Variants in WDR77 observed in about 807,000 individuals in gnomAD.
WDR77 encodes the protein WD repeat domain 77, also known as methylosome protein WDR77.
In WDR77, 31 loss-of-function variants were observed where a neutral mutation model predicts 44.0. That is an observed-to-expected ratio of 0.70 (90% confidence interval 0.53 to 0.95). The LOEUF (loss-of-function observed/expected upper bound fraction) is 0.95, where lower values mean the gene tolerates loss of function less well. Ranked by LOEUF, WDR77 falls within the 40% of genes least tolerant of loss-of-function variation. The pLI, the probability that WDR77 is intolerant of heterozygous loss-of-function variation, is 0.00. For synonymous variants in WDR77, 186 were observed against 165.7 expected, an observed-to-expected ratio of 1.12 and a Z score of -0.94; for missense variants, 390 against 423.9, an observed-to-expected ratio of 0.92 and a Z score of 0.70.
chr1:111,443,071 G>C (rs1241615973), intron 7 of WDR77, among the ~76,000 whole-genome samples: 1 of 152,158 alleles, frequency 6.6e-6, no homozygotes, highest in Non-Finnish European at 1.5e-5. Context: ...CTGACTTATA[G>C]CCATGCCCAG....
At chr1:111,448,508 C>G (rs139244945) in intron 2 of WDR77, 111 bp downstream of exon 2, 2 of 1,323,202 alleles carry the variant, frequency 1.5e-6, no homozygotes, top group Non-Finnish European at 2.1e-6. Flanking sequence ...TCAGGCTCCT[C>G]CAAGCACTGA....
At chr1:111,447,997 T>C (rs1207054033) in intron 2 of WDR77, among the ~76,000 whole-genome samples, 1 of 152,242 alleles carries the variant, frequency 6.6e-6, no homozygotes, top group Non-Finnish European at 1.5e-5. Flanking sequence ...AATAAATGTC[T>C]TGCAGAGTCT....
intron 9 of WDR77, 135 bp from the exon 10 acceptor site, chr1:111,441,524 G>A (rs757228421): frequency 2.3e-6 from 3 of 1,323,750 alleles, no homozygotes; most frequent in African/African-American, 3.0e-5. Context: ...TGGCCTCATC[G>A]CCAGGATAGC....
chr1:111,448,843 A>C (rs1044989368), intron 1 of WDR77, 39 bp from the exon 2 acceptor site: 2 of 1,552,890 alleles, frequency 1.3e-6, no homozygotes, highest in Non-Finnish European at 8.7e-7. Context: ...GAAGGGTAGA[A>C]GGGTTCGCCT....
intron 6 of WDR77, 143 bp downstream of exon 6, chr1:111,443,724 C>T: frequency 6.7e-7 from 1 of 1,490,422 alleles, no homozygotes; most frequent in South Asian, 1.4e-5. Flanking sequence ...AGCAGAGCCT[C>T]ACTGGAAAAG....
intron 4 of WDR77, among the ~76,000 whole-genome samples, chr1:111,446,470 T>C (rs1475756634): frequency 1.3e-5 from 2 of 151,986 alleles, no homozygotes; most frequent in East Asian, 1.9e-4. Flanking sequence ...ATGTCAAGGA[T>C]CTAGTAAGCT....
rs1296942272 is a variant in WDR77, at chr1:111,449,206, A to G, written c.-37T>C. 1 of 1,541,414 alleles carries G rather than the reference A, an allele frequency of 6.5e-7. No individual in the cohort carries two copies. Among genetic ancestry groups the G allele is most frequent in the Non-Finnish European group, 8.7e-7 (1 of 1,149,348 alleles). ...CAACTCCAACCTAGACTCAAACTGG[A>G]CGCCGGCCGGAGACTCCGCTCCGGC... On this transcript the variant is annotated 5_prime_UTR_variant, in exon 1 of 10. Transcript: ENST00000235090.
In WDR77 at chr1:111,448,692, T is replaced by G; in HGVS notation, c.228A>C (p.Gly76=). The G allele has an allele frequency of 6.2e-7, 1 of 1,614,174 alleles. No homozygotes were observed. The highest frequency in any genetic ancestry group is 8.5e-7 in the Non-Finnish European group (1 of 1,180,018). Residue 76 remains glycine, a synonymous_variant, in exon 2 of 10, where the codon GGA becomes GGC. Coordinates refer to ENST00000235090, the MANE Select transcript of WDR77 (RefSeq NM_024102.4). ...AAPNEGFCSA[G]VQTEAGVADL... is the part of the protein sequence containing the mutation. ...CAGCCACTCCAGCCTCCGTTTGGAC[T>G]CCGGCGGAGCAGAAGCCTTCGTTGG...
chr1:111,448,955 G>A, intron 1 of WDR77, 100 bp downstream of exon 1: 1 of 1,279,172 alleles, frequency 7.8e-7, no homozygotes, highest in Non-Finnish European at 1.1e-6. Context: ...CCAGGGTCAG[G>A]ATAACATGCA....
At chr1:111,442,225 GCTA>G (rs1177360070) in intron 8 of WDR77, 132 bp from the exon 9 acceptor site, 4 of 781,222 alleles carry the variant, frequency 5.1e-6, no homozygotes, top group Non-Finnish European at 8.6e-6. Context: ...GGCTAATCTG[GCTA>G]CTACAAGTCC....
chr1:111,445,847 C>CA (rs1653003249), intron 4 of WDR77, among the ~76,000 whole-genome samples: 1 of 152,122 alleles, frequency 6.6e-6, no homozygotes, highest in African/African-American at 2.4e-5. Context: ...CGACTCACTG[C>CA]AACCTCCGCC....
At chr1:111,441,960 G>A in intron 9 of WDR77, 65 bp downstream of exon 9, 1 of 1,461,318 alleles carries the variant, frequency 6.8e-7, no homozygotes, top group Non-Finnish European at 9.6e-7. Context: ...TTCTGAAGAG[G>A]AAAATGACTC....
Position 111,443,930 on chromosome 1 carries a change from A to G in WDR77, c.565-9T>C. On this transcript the variant is annotated splice_polypyrimidine_tract_variant and intron_variant, in intron 5 of 9. Coordinates refer to ENST00000235090, the MANE Select transcript of WDR77 (RefSeq NM_024102.4). ...AGTAAAATTCTATTGTCCTAGAGGA[A>G]GGTGGAACAGAAAAAGGATTTCATA... 1 of 1,614,222 alleles carries G rather than the reference A, an allele frequency of 6.2e-7. No individual in the cohort carries two copies. Among genetic ancestry groups the G allele is most frequent in the South Asian group, 1.1e-5 (1 of 91,086 alleles).
intron 2 of WDR77, among the ~76,000 whole-genome samples, chr1:111,447,999 G>T (rs1483142032): frequency 6.6e-6 from 1 of 152,184 alleles, no homozygotes; most frequent in Non-Finnish European, 1.5e-5. Context: ...TAAATGTCTT[G>T]CAGAGTCTTT....
At position 111,443,850 on chromosome 1, in the gene WDR77, A is replaced by C; in HGVS notation, c.619+17T>G. 6.2e-7 allele frequency: 1 copy of C among 1,614,028 alleles called. No homozygotes were observed. Among genetic ancestry groups the C allele is most frequent in the South Asian group, 1.1e-5 (1 of 91,084 alleles). On this transcript the variant is annotated intron_variant, in intron 6 of 9. Transcript: ENST00000235090. ...GGTTCCAAGTACTATTCTCCCACCAATGAATCTCAGACTCACCAATCTGTG... is the reference window on the plus strand; with the variant it reads ...GGTTCCAAGTACTATTCTCCCACCACTGAATCTCAGACTCACCAATCTGTG...
Position 111,440,116 on chromosome 1 carries a change from C to G in WDR77, c.*1114G>C, listed in dbSNP as rs1463688152. 6.6e-6 allele frequency: 1 copy of G among 152,420 alleles called. No individual in the cohort carries two copies. The allele number at this position is 152,420 out of a possible 1,614,324, so 9.4% of individuals were successfully genotyped here. On this transcript the variant is annotated 3_prime_UTR_variant, in exon 10 of 10. Coordinates refer to ENST00000235090, the MANE Select transcript of WDR77 (RefSeq NM_024102.4). ...TAACTGGCAATATCCACTCCACCAA[C>G]CCAAGAATAAATATTTACCTTAAGT...
chr1:111,443,875 G>A lies in WDR77; in HGVS notation c.611C>T (p.Ser204Leu), dbSNP rs1652913018. 4 of 1,614,150 alleles carry A rather than the reference G, an allele frequency of 2.5e-6. No homozygotes were observed. Among genetic ancestry groups the A allele is most frequent in the Non-Finnish European group, 1.7e-6 (2 of 1,179,992 alleles). ...LWDTRCPKPA[S>L]QIGCSAPGYL... The stretch of plus-strand genomic sequence containing the variant: ...ATGAATCTCAGACTCACCAATCTGT[G>A]ATGCTGGCTTGGGACAGCGGGTATC... The change falls in exon 6 of 10, where the codon TCA (serine) becomes TTA (leucine). Residue 204 changes from serine to leucine, a missense_variant. Physicochemically the swap from Ser to Leu is moderately radical, Grantham distance 145. Coordinates refer to ENST00000235090, the MANE Select transcript of WDR77 (RefSeq NM_024102.4).
At chr1:111,444,318 C>G (rs1652933704) in intron 4 of WDR77, among the ~76,000 whole-genome samples, 194 bp from the exon 5 acceptor site, 1 of 151,258 alleles carries the variant, frequency 6.6e-6, no homozygotes, top group South Asian at 2.1e-4. Flanking sequence ...ACCTAAAAAG[C>G]CTTGTAAAAA....
chr1:111,449,152 T>C lies in WDR77; in HGVS notation c.18A>G (p.Pro6=). Residue 6 remains proline (P), a synonymous_variant, in exon 1 of 10, where the codon CCA becomes CCG. Coordinates refer to ENST00000235090, the MANE Select transcript of WDR77 (RefSeq NM_024102.4). MRKET[P]PPLVPPAARE... is the part of the protein sequence containing the mutation. Reference sequence around the variant, plus strand: ...GGGCCGCCGGGGGCACTAGGGGGGGTGGGGTTTCCTTCCGCATCTCCACGG... The same window carrying C: ...GGGCCGCCGGGGGCACTAGGGGGGGCGGGGTTTCCTTCCGCATCTCCACGG... The C allele has an allele frequency of 6.4e-7, 1 of 1,551,050 alleles. No homozygotes were observed.
Sources: gnomAD v4.1 joint callset for allele counts (sites outside exome capture counted in the v4.1 genomes callset) on GRCh38, gnomAD v4.1.1 for gene constraint, MANE v1.5 for transcripts, NCBI Gene and HGNC (gene_info 2026-07-23, HGNC 2026-07-21) for gene names.